Variants in SLC24A2 observed in about 807,000 individuals in gnomAD.
The protein encoded by SLC24A2 is sodium/potassium/calcium exchanger 2.
A neutral mutation model predicts 62.0 loss-of-function variants in SLC24A2; 36 were observed. The ratio of observed to expected loss-of-function variants is 0.58; its 90% confidence interval spans 0.44 to 0.77. SLC24A2 has a LOEUF of 0.77. Ranked by LOEUF, SLC24A2 falls within the 30% of genes least tolerant of loss-of-function variation. The probability of loss-of-function intolerance (pLI) is 0.00; values close to 1 mark genes in which losing one functional copy is unlikely to be tolerated. For missense variants in SLC24A2, 846 were observed against 817.9 expected, an observed-to-expected ratio of 1.03 and a Z score of -0.42; for synonymous variants, 358 against 294.0, an observed-to-expected ratio of 1.22 and a Z score of -2.23.
At chr9:20,091,777 T>C in the SLC24A2 span, among the ~76,000 whole-genome samples, 5 of 152,014 alleles carry the variant, frequency 3.3e-5, no homozygotes, top group Admixed American at 3.3e-4. Context: ...CACAGACCAG[T>C]GACATTATAA....
In SLC24A2 at chr9:19,742,957, T is replaced by C. The variant is rs191939577; in HGVS notation, c.930+42980A>G. Among the ~76,000 whole-genome samples, 18 of 152,288 alleles carry C rather than the reference T, an allele frequency of 1.2e-4. No individual in the cohort carries two copies. In the East Asian group the frequency reaches 2.1e-3, roughly 18 times the overall value. On this transcript the variant is annotated intron_variant, in intron 2 of 10. Transcript: ENST00000341998. Reference sequence around the variant, plus strand: ...ACAATGGAGACTATTTACCAGCAGATAGAGATCCCAGAGGGAAATGGGAAT... The same window carrying C: ...ACAATGGAGACTATTTACCAGCAGACAGAGATCCCAGAGGGAAATGGGAAT...
chr9:19,988,221 C>T, the SLC24A2 span, among the ~76,000 whole-genome samples: 47 of 152,160 alleles, frequency 3.1e-4, no homozygotes, highest in African/African-American at 1.1e-3. Flanking sequence ...CAAATCTGCC[C>T]TTGCAAAGTT....
At chr9:19,949,970 G>A in the SLC24A2 span, among the ~76,000 whole-genome samples, 1 of 152,172 alleles carries the variant, frequency 6.6e-6, no homozygotes, top group South Asian at 2.1e-4. Context: ...TAGAAATGCA[G>A]AATCCCAGAC....
At chr9:19,602,941 A>G (rs943022275) in intron 4 of SLC24A2, among the ~76,000 whole-genome samples, 12 of 152,340 alleles carry the variant, frequency 7.9e-5, no homozygotes, top group African/African-American at 2.9e-4. Context: ...CTCCCCATGC[A>G]TCAATTCAGA....
chr9:20,049,273 CTA>C, the SLC24A2 span, among the ~76,000 whole-genome samples: 4 of 152,154 alleles, frequency 2.6e-5, no homozygotes, highest in Non-Finnish European at 4.4e-5. Context: ...ATCAATGACT[CTA>C]TGTTTGAACA....
intron 2 of SLC24A2, among the ~76,000 whole-genome samples, chr9:19,663,565 G>A (rs181400467): frequency 9.9e-5 from 15 of 152,276 alleles, no homozygotes; most frequent in Admixed American, 7.9e-4. Context: ...CAGAACAGCA[G>A]TAAAGGCCCT....
At chr9:20,200,308 T>G in the SLC24A2 span, among the ~76,000 whole-genome samples, 1 of 152,186 alleles carries the variant, frequency 6.6e-6, no homozygotes, top group African/African-American at 2.4e-5. Context: ...GGAGTCAACT[T>G]CTGGCTCTGC....
chr9:20,281,813 T>G, the SLC24A2 span, among the ~76,000 whole-genome samples: 20,196 of 152,190 alleles, frequency 0.13, 2,290 homozygotes, highest in East Asian at 0.51. Flanking sequence ...AACATACATA[T>G]AGAATAATCT....
At chr9:19,926,452 C>G in the SLC24A2 span, 1 of 152,340 alleles carries the variant, frequency 6.6e-6, no homozygotes, top group East Asian at 1.9e-4. Flanking sequence ...CAAGCATTCG[C>G]TCCCAGATGC....
At chr9:19,754,641 G>C (rs1014759653) in intron 2 of SLC24A2, among the ~76,000 whole-genome samples, 13 of 143,542 alleles carry the variant, frequency 9.1e-5, no homozygotes, top group Non-Finnish European at 1.7e-4. Context: ...GGAAATCATG[G>C]GAGGATTTTT....
At chr9:20,227,451 G>T in the SLC24A2 span, among the ~76,000 whole-genome samples, 16 of 150,750 alleles carry the variant, frequency 1.1e-4, no homozygotes, top group Non-Finnish European at 4.4e-5. Flanking sequence ...TGAGGTGAAG[G>T]TCTCATGGAG....
At chr9:20,256,875 A>G in the SLC24A2 span, among the ~76,000 whole-genome samples, 5 of 152,040 alleles carry the variant, frequency 3.3e-5, no homozygotes, top group Admixed American at 2.0e-4. Context: ...AAGGGTAGAA[A>G]GAAAGGAAAC....
chr9:19,761,025 C>A (rs1409503908), intron 2 of SLC24A2, among the ~76,000 whole-genome samples: 2 of 151,992 alleles, frequency 1.3e-5, no homozygotes, highest in Non-Finnish European at 2.9e-5. Flanking sequence ...AACAAATCTG[C>A]ATGTTGTGCA....
chr9:19,780,282 T>G (rs534428558), intron 2 of SLC24A2, among the ~76,000 whole-genome samples: 1 of 151,410 alleles, frequency 6.6e-6, no homozygotes, highest in African/African-American at 2.4e-5. Context: ...TTTCTTTTTT[T>G]TTTGAGATGG....
intron 2 of SLC24A2, among the ~76,000 whole-genome samples, chr9:19,649,587 G>C (rs568429610): frequency 6.6e-6 from 1 of 152,140 alleles, no homozygotes; most frequent in African/African-American, 2.4e-5. Flanking sequence ...CATTTGGAGA[G>C]AGTACAACTG....
At chr9:19,650,935 T>C (rs1818784322) in intron 2 of SLC24A2, among the ~76,000 whole-genome samples, 2 of 152,184 alleles carry the variant, frequency 1.3e-5, no homozygotes, top group South Asian at 4.1e-4. Flanking sequence ...TGGAGAAGTA[T>C]GTCTTTAGCT....
intron 2 of SLC24A2, among the ~76,000 whole-genome samples, chr9:19,645,596 G>A (rs1368584904): frequency 6.6e-6 from 1 of 152,148 alleles, no homozygotes; most frequent in African/African-American, 2.4e-5. Flanking sequence ...GGATGGGTGA[G>A]CACTTTCCAG....
intron 6 of SLC24A2, among the ~76,000 whole-genome samples, chr9:19,574,940 T>TGC (rs1835963310): frequency 6.6e-6 from 1 of 152,188 alleles, no homozygotes; most frequent in African/African-American, 2.4e-5. Flanking sequence ...CAGTATCAGC[T>TGC]GCTCATCAAA....
chr9:19,776,989 A>T (rs1308345690), intron 2 of SLC24A2, among the ~76,000 whole-genome samples: 2 of 152,176 alleles, frequency 1.3e-5, no homozygotes, highest in Admixed American at 1.3e-4. Context: ...TGAAAACTTC[A>T]TTTCCCAAAT....
Sources: gnomAD v4.1 joint callset for allele counts (sites outside exome capture counted in the v4.1 genomes callset) on GRCh38, gnomAD v4.1.1 for gene constraint, MANE v1.5 for transcripts, NCBI Gene and HGNC (gene_info 2026-07-23, HGNC 2026-07-21) for gene names.